The following GRIK2 variants were observed in gnomAD, a reference collection of about 807,000 sequenced individuals.
GRIK2 encodes glutamate ionotropic receptor kainate type subunit 2, also known as glutamate receptor ionotropic, kainate 2.
Under a neutral mutation model 100.3 loss-of-function variants are expected in GRIK2, and 32 were observed. That is an observed-to-expected ratio of 0.32 (90% CI 0.24 to 0.43). The LOEUF (loss-of-function observed/expected upper bound fraction) is 0.43, where lower values mean the gene tolerates loss of function less well. GRIK2 is among the 20% of genes least tolerant of loss of function. GRIK2 has a pLI of 1.00. For missense variants in GRIK2, 843 were observed against 1,114.9 expected (o/e 0.76, Z 3.47); for synonymous variants, 417 against 389.4 (o/e 1.07, Z -0.83).
chr6:101,743,341 C>A (rs949259265), intron 7 of GRIK2, among the ~76,000 whole-genome samples: 2 of 152,180 alleles, frequency 1.3e-5, no homozygotes, highest in African/African-American at 4.8e-5. Context: ...TTAAAATCAA[C>A]TAGAAGCAAG....
intron 14 of GRIK2, among the ~76,000 whole-genome samples, chr6:101,943,951 G>C (rs1429035084): frequency 1.3e-5 from 2 of 152,134 alleles, no homozygotes; most frequent in African/African-American, 4.8e-5. Flanking sequence ...TTGGCTCTGT[G>C]TCCCTACCCA....
chr6:101,843,721 T>C (rs570972613), intron 10 of GRIK2, among the ~76,000 whole-genome samples: 11 of 152,296 alleles, frequency 7.2e-5, no homozygotes, highest in Admixed American at 2.6e-4. Context: ...TAAATAATGA[T>C]GCTAAGGTAG....
In GRIK2 at chr6:101,677,967, GT is replaced by G. The variant is rs570638521; in HGVS notation, c.723+1170del. Among the ~76,000 whole-genome samples the G allele has an allele frequency of 6.0e-4, 91 of 151,954 alleles. 1 individual carries two copies. The highest frequency in any genetic ancestry group is 6.5e-4 in the Non-Finnish European group (44 of 67,948). Reference sequence around the variant, plus strand: ...TAATGAAGCATATGAGAGTTTTTGGGTTTTTTTGGCAACAAATAAAACAACG... The same window carrying G: ...TAATGAAGCATATGAGAGTTTTTGGGTTTTTTGGCAACAAATAAAACAACG... On this transcript the variant is annotated intron_variant, in intron 5 of 16. Transcript: ENST00000369134.
intron 2 of GRIK2, among the ~76,000 whole-genome samples, chr6:101,444,949 A>G (rs937859214): frequency 1.2e-4 from 18 of 151,978 alleles, no homozygotes; most frequent in Non-Finnish European, 1.8e-4. Flanking sequence ...GTCTCATTCT[A>G]TTGGGACCAA....
rs536429256 is a variant in GRIK2, at chr6:101,967,367, G to T, written c.2085+38735G>T. 2.6e-5 allele frequency among the ~76,000 whole-genome samples: 4 copies of T among 151,964 alleles called. No individual in the cohort carries two copies. The East Asian group carries it at 7.7e-4, about 29-fold the overall frequency. ...AATGCCTTTGGGGAATTTTTTAGAG[G>T]TTATCACAATTCATGTATTAGAAAT... On this transcript the variant is annotated intron_variant, in intron 14 of 16. Coordinates refer to ENST00000369134, the MANE Select transcript of GRIK2 (RefSeq NM_021956.5).
intron 2 of GRIK2, among the ~76,000 whole-genome samples, chr6:101,565,530 C>T (rs1777213527): frequency 6.6e-6 from 1 of 152,042 alleles, no homozygotes; most frequent in Non-Finnish European, 1.5e-5. Context: ...AATGTATTCA[C>T]TCCACTTCCT....
rs183557485 is a variant in GRIK2 at position 101,406,442 on chromosome 6, G to A, written c.115+7050G>A. ...GAAGATCTGAAAGGGTTTGGGGAGG[G>A]TATGTCTTTTAGTTATTTTTTCTAC... On this transcript the variant is annotated intron_variant, in intron 2 of 16. Transcript: ENST00000369134. 1.3e-3 allele frequency among the ~76,000 whole-genome samples: 196 copies of A among 152,160 alleles called. 2 individuals carry two copies. Among genetic ancestry groups the A allele is most frequent in the African/African-American group, 4.4e-3 (183 of 41,520 alleles).
intron 7 of GRIK2, among the ~76,000 whole-genome samples, chr6:101,698,561 C>CATTCA (rs1168767421): frequency 6.6e-6 from 1 of 152,004 alleles, no homozygotes; most frequent in African/African-American, 2.4e-5. Flanking sequence ...AGTAAACAGA[C>CATTCA]ACAGATGTTG....
In GRIK2 at chr6:101,421,101, T is replaced by C. The variant is rs1192211590; in HGVS notation, c.115+21709T>C. On this transcript the variant is annotated intron_variant, in intron 2 of 16. Transcript: ENST00000369134. ...TGTTCACTTTGAGGCCATGTTTGGA[T>C]GGGAAGAGTACACTAAGTCCACTTC... 1.8e-4 allele frequency among the ~76,000 whole-genome samples: 27 copies of C among 152,150 alleles called. 1 individual carries two copies.
At chr6:101,796,506 A>C (rs997073993) in intron 7 of GRIK2, among the ~76,000 whole-genome samples, 1 of 152,180 alleles carries the variant, frequency 6.6e-6, no homozygotes, top group African/African-American at 2.4e-5. Context: ...ACAAGATATT[A>C]AATATAAATA....
intron 2 of GRIK2, among the ~76,000 whole-genome samples, chr6:101,465,657 C>G (rs12525877): frequency 2.0e-5 from 3 of 152,092 alleles, no homozygotes; most frequent in African/African-American, 4.8e-5. Flanking sequence ...GTTGAGCTGC[C>G]TAGATGATCT....
chr6:101,781,974 C>G (rs929600092), intron 7 of GRIK2, among the ~76,000 whole-genome samples: 12 of 152,078 alleles, frequency 7.9e-5, no homozygotes, highest in African/African-American at 2.9e-4. Context: ...TTCCATCTTC[C>G]TATGACAGAA....
At chr6:102,001,051 A>G (rs1299270505) in intron 14 of GRIK2, among the ~76,000 whole-genome samples, 1 of 152,050 alleles carries the variant, frequency 6.6e-6, no homozygotes, top group Non-Finnish European at 1.5e-5. Context: ...AAATATAGAT[A>G]CTTCAGGATA....
At position 101,757,365 on chromosome 6, in the gene GRIK2, GA is replaced by G. The variant is rs1406238904; in HGVS notation, c.952-42278del. Among the ~76,000 whole-genome samples, 9 of 152,062 alleles carry G rather than the reference GA, an allele frequency of 5.9e-5. No homozygotes were observed. In the East Asian group the frequency reaches 1.5e-3, roughly 26 times the overall value. ...TCATGGAAAACAATATAGTAAGGAA[GA>G]AAAATCATGAATATGTTAAATTATT... On this transcript the variant is annotated intron_variant, in intron 7 of 16. Coordinates refer to ENST00000369134, the MANE Select transcript of GRIK2 (RefSeq NM_021956.5).
At chr6:101,710,794 A>G (rs571298521) in intron 7 of GRIK2, among the ~76,000 whole-genome samples, 3 of 151,898 alleles carry the variant, frequency 2.0e-5, no homozygotes, top group Admixed American at 2.0e-4. Flanking sequence ...TGGAAATATT[A>G]TTATATTTTC....
chr6:101,522,058 T>C (rs1374440921), intron 2 of GRIK2, among the ~76,000 whole-genome samples: 1 of 152,222 alleles, frequency 6.6e-6, no homozygotes, highest in East Asian at 1.9e-4. Context: ...AACTGTACAT[T>C]CAATATATAC....
intron 4 of GRIK2, among the ~76,000 whole-genome samples, chr6:101,670,561 T>C (rs1036333589): frequency 2.0e-5 from 3 of 152,194 alleles, no homozygotes; most frequent in Admixed American, 6.5e-5. Flanking sequence ...TTTGTGGACA[T>C]TATTTTCAGA....
intron 3 of GRIK2, among the ~76,000 whole-genome samples, chr6:101,624,598 A>G (rs891020393): frequency 6.6e-6 from 1 of 152,206 alleles, no homozygotes; most frequent in Non-Finnish European, 1.5e-5. Context: ...ATAATAAACT[A>G]TCCATTTTGG....
intron 14 of GRIK2, among the ~76,000 whole-genome samples, chr6:101,969,639 A>G (rs915198937): frequency 2.0e-5 from 3 of 152,092 alleles, no homozygotes; most frequent in Admixed American, 6.6e-5. Context: ...TAATGGAATT[A>G]TTTTTGTCTT....
Sources: allele counts gnomAD v4.1 joint callset (sites outside exome capture counted in the v4.1 genomes callset), GRCh38; gene constraint gnomAD v4.1.1; transcripts MANE v1.5; gene names NCBI Gene and HGNC (gene_info 2026-07-23, HGNC 2026-07-21).